PRDM5: variants seen among roughly 807,000 people sequenced by gnomAD.
PRDM5 encodes the protein PR domain zinc finger protein 5.
In PRDM5, 56 loss-of-function variants were observed where a neutral mutation model predicts 81.2. The ratio of observed to expected loss-of-function variants is 0.69; its 90% confidence interval spans 0.56 to 0.86. The LOEUF is 0.86. Among genes scored for constraint, PRDM5 ranks in the 40% least tolerant of loss-of-function variants. The pLI is 0.00. For missense variants in PRDM5, 697 were observed against 770.1 expected, an observed-to-expected ratio of 0.91 and a Z score of 1.12; for synonymous variants, 267 against 256.4, an observed-to-expected ratio of 1.04 and a Z score of -0.39.
intron 13 of PRDM5, among the ~76,000 whole-genome samples, chr4:120,758,316 T>C (rs963561693): frequency 6.6e-5 from 10 of 152,150 alleles, no homozygotes; most frequent in Admixed American, 3.9e-4. Context: ...ATTGGGACAA[T>C]AGATACATGG....
intron 13 of PRDM5, among the ~76,000 whole-genome samples, chr4:120,759,416 C>T (rs997049253): frequency 1.3e-5 from 2 of 152,132 alleles, no homozygotes; most frequent in Non-Finnish European, 2.9e-5. Flanking sequence ...TTTTGGACTC[C>T]GAGGACAAAG....
At chr4:120,721,662 T>C (rs1162629018) in intron 14 of PRDM5, among the ~76,000 whole-genome samples, 2 of 152,350 alleles carry the variant, frequency 1.3e-5, no homozygotes, top group Non-Finnish European at 1.5e-5. Context: ...AAATTTGCTA[T>C]GGTTATTCTC....
chr4:120,818,173 A>C lies in PRDM5; in HGVS notation c.650+180T>G, dbSNP rs368376784. 1.9e-4 allele frequency: 120 copies of C among 615,582 alleles called. 1 individual carries two copies. Among genetic ancestry groups the C allele is most frequent in the Middle Eastern group, 8.8e-4 (2 of 2,278 alleles). The allele number at this position is 615,582 out of a possible 1,614,324, so 38.1% of individuals were successfully genotyped here. A position where few individuals can be genotyped will look rare whatever the true frequency, so the allele number is the denominator to read the frequency against. On this transcript the variant is annotated intron_variant, in intron 5 of 15. Transcript: ENST00000264808. The stretch of plus-strand genomic sequence containing the variant: ...AATATTTTAATAATCAACATACTAT[A>C]CTAAGAAAAGATGAGTTAATGACAA...
intron 2 of PRDM5, among the ~76,000 whole-genome samples, chr4:120,858,581 GCGCA>G (rs1013870277): frequency 6.7e-5 from 10 of 148,576 alleles, no homozygotes; most frequent in Non-Finnish European, 1.4e-4. Flanking sequence ...GTGCGTGCGC[GCGCA>G]CGCACGCACA....
chr4:120,875,609 A>C (rs933410876), intron 2 of PRDM5, among the ~76,000 whole-genome samples: 3 of 152,252 alleles, frequency 2.0e-5, no homozygotes, highest in Non-Finnish European at 4.4e-5. Flanking sequence ...AGAAAAAACA[A>C]GCCAAAGCTA....
In PRDM5 at chr4:120,701,494, C is replaced by T. The variant is rs35898112; in HGVS notation, c.1729-6219G>A. Among the ~76,000 whole-genome samples the T allele has an allele frequency of 6.1e-3, 930 of 152,234 alleles. 13 individuals are homozygous for T. The highest frequency in any genetic ancestry group is 0.021 in the African/African-American group (891 of 41,536). Reference sequence around the variant, plus strand: ...TGCATATACACCATGGAATACTATGCAGCTATAAAAAAAGAATGAAATCAT... The same window carrying T: ...TGCATATACACCATGGAATACTATGTAGCTATAAAAAAAGAATGAAATCAT... On this transcript the variant is annotated intron_variant, in intron 15 of 15. Transcript: ENST00000264808.
At chr4:120,794,965 A>G (rs1751143078) in intron 10 of PRDM5, among the ~76,000 whole-genome samples, 1 of 151,646 alleles carries the variant, frequency 6.6e-6, no homozygotes, top group Non-Finnish European at 1.5e-5. Context: ...CACTCAGTAA[A>G]TTGATTTCAA....
intron 14 of PRDM5, among the ~76,000 whole-genome samples, chr4:120,712,743 C>T (rs1737192126): frequency 6.6e-6 from 1 of 152,212 alleles, no homozygotes; most frequent in African/African-American, 2.4e-5. Flanking sequence ...TCACAAGTTT[C>T]TAGTCCTCGC....
At chr4:120,843,446 T>C (rs577944686) in intron 3 of PRDM5, among the ~76,000 whole-genome samples, 1 of 152,040 alleles carries the variant, frequency 6.6e-6, no homozygotes, top group East Asian at 1.9e-4. Context: ...CTAATGCCTG[T>C]AATCCCAGCA....
At chr4:120,879,315 A>C (rs910666414) in intron 2 of PRDM5, among the ~76,000 whole-genome samples, 1 of 152,206 alleles carries the variant, frequency 6.6e-6, no homozygotes. Flanking sequence ...ATATGACTGC[A>C]ACTATGATTG....
Position 120,758,463 on chromosome 4 carries a change from T to C in PRDM5, c.1538-3825A>G, listed in dbSNP as rs183089575. ...TTACTGGAGTAGTGTGGGCCCCTAA[T>C]CAAATATGATTGATGTCCTCATAAA... On this transcript the variant is annotated intron_variant, in intron 13 of 15. Coordinates refer to ENST00000264808, the MANE Select transcript of PRDM5 (RefSeq NM_018699.4). Among the ~76,000 whole-genome samples the C allele has an allele frequency of 3.4e-3, 512 of 152,192 alleles. 2 individuals are homozygous for C. Among genetic ancestry groups the C allele is most frequent in the Non-Finnish European group, 5.9e-3 (404 of 68,022 alleles).
intron 3 of PRDM5, among the ~76,000 whole-genome samples, chr4:120,821,722 T>C (rs1308925890): frequency 6.6e-6 from 1 of 150,762 alleles, no homozygotes; most frequent in Admixed American, 6.7e-5. Flanking sequence ...ATTTCGTTAT[T>C]ATTAACACTA....
chr4:120,922,403 G>A, intron 1 of PRDM5, 113 bp downstream of exon 1: 10 of 1,161,106 alleles, frequency 8.6e-6, no homozygotes, highest in South Asian at 4.2e-5. Context: ...CGGCCCGGGC[G>A]AGGGGCGACC....
chr4:120,715,798 G>A (rs559188229), intron 14 of PRDM5, among the ~76,000 whole-genome samples: 174 of 152,300 alleles, frequency 1.1e-3, no homozygotes, highest in African/African-American at 4.1e-3. Context: ...GACAGGTGAG[G>A]GTTTTGCAGA....
intron 14 of PRDM5, among the ~76,000 whole-genome samples, chr4:120,718,622 G>A (rs1738146841): frequency 6.6e-6 from 1 of 152,096 alleles, no homozygotes; most frequent in Admixed American, 6.5e-5. Flanking sequence ...TTTTAGAGAA[G>A]TTTGCCTTAA....
At chr4:120,783,599 C>A (rs756854722) in intron 11 of PRDM5, among the ~76,000 whole-genome samples, 2 of 152,062 alleles carry the variant, frequency 1.3e-5, no homozygotes, top group African/African-American at 2.4e-5. Flanking sequence ...AATCTCTATT[C>A]TAACATTCAT....
At chr4:120,780,604 A>G (rs1748899980) in intron 12 of PRDM5, among the ~76,000 whole-genome samples, 3 of 152,152 alleles carry the variant, frequency 2.0e-5, no homozygotes. Context: ...ACACACACAA[A>G]AAAATCTCCA....
chr4:120,905,083 T>C (rs1308200707), intron 2 of PRDM5, among the ~76,000 whole-genome samples: 4 of 152,168 alleles, frequency 2.6e-5, no homozygotes, highest in Non-Finnish European at 5.9e-5. Flanking sequence ...GTGAAAGCCA[T>C]TAAAATGTTT....
chr4:120,723,725 T>C (rs891773159), intron 14 of PRDM5, among the ~76,000 whole-genome samples: 1 of 152,164 alleles, frequency 6.6e-6, no homozygotes, highest in Non-Finnish European at 1.5e-5. Context: ...ATATATATAG[T>C]GTCCAAGGCA....
Sources: allele counts gnomAD v4.1 joint callset (sites outside exome capture counted in the v4.1 genomes callset), GRCh38; gene constraint gnomAD v4.1.1; transcripts MANE v1.5; gene names NCBI Gene and HGNC (gene_info 2026-07-23, HGNC 2026-07-21).